Variants in CERS3 observed in about 807,000 individuals in gnomAD.
CERS3 encodes the protein ceramide synthase 3, also known as LAG1 homolog, ceramide synthase 3.
CERS3 carries 33 observed loss-of-function variants against 50.3 expected under a neutral mutation model. The ratio of observed to expected loss-of-function variants is 0.66; its 90% CI spans 0.50 to 0.88. The LOEUF is 0.88. Ranked by LOEUF, CERS3 falls within the 40% of genes least tolerant of loss-of-function variation. The pLI is 0.00. For synonymous variants in CERS3, 176 were observed against 155.2 expected, an observed-to-expected ratio of 1.13 and a Z score of -0.99; for missense variants, 470 against 460.3, an observed-to-expected ratio of 1.02 and a Z score of -0.19.
chr15:100,532,523 T>C (rs1185495250), upstream of CERS3, among the ~76,000 whole-genome samples: 1 of 152,102 alleles, frequency 6.6e-6, no homozygotes, highest in Non-Finnish European at 1.5e-5. Flanking sequence ...CCCAGCACTT[T>C]GGGAGGCCAA....
intron 11 of CERS3, among the ~76,000 whole-genome samples, chr15:100,449,256 G>A (rs2142177226): frequency 6.6e-6 from 1 of 152,320 alleles, no homozygotes; most frequent in Non-Finnish European, 1.5e-5. Flanking sequence ...CAACCTGCAG[G>A]CCTGGGGACT....
intron 4 of CERS3, among the ~76,000 whole-genome samples, chr15:100,486,074 G>A (rs557995563): frequency 9.2e-5 from 14 of 152,278 alleles, no homozygotes; most frequent in Admixed American, 8.5e-4. Context: ...CAGAGAAAAC[G>A]TGCAGACCCA....
At chr15:100,405,865 A>C (rs2030986341) in intron 11 of CERS3, among the ~76,000 whole-genome samples, 1 of 152,270 alleles carries the variant, frequency 6.6e-6, no homozygotes, top group African/African-American at 2.4e-5. Context: ...CTTTTTAAAA[A>C]GCAAATACTG....
At chr15:100,414,700 T>C (rs1034836602) in intron 11 of CERS3, among the ~76,000 whole-genome samples, 2 of 151,972 alleles carry the variant, frequency 1.3e-5, no homozygotes, top group African/African-American at 2.4e-5. Context: ...ATTTAATAAA[T>C]GGTGCTGGGA....
intron 11 of CERS3, among the ~76,000 whole-genome samples, chr15:100,434,406 C>T (rs2033294226): frequency 2.0e-5 from 3 of 152,224 alleles, no homozygotes; most frequent in Admixed American, 6.5e-5. Context: ...CAAATCAGAG[C>T]ACAGATCAAG....
At chr15:100,459,115 T>C (rs2034468632) in intron 10 of CERS3, among the ~76,000 whole-genome samples, 1 of 152,208 alleles carries the variant, frequency 6.6e-6, no homozygotes, top group Admixed American at 6.5e-5. Context: ...AACCAGGCAA[T>C]AGGCTGAATT....
In CERS3 at chr15:100,501,826, C is replaced by A. The variant is rs1410884588; in HGVS notation, c.24G>T (p.Trp8Cys). MFWTFKEWFWLERFWLPP... is the reference protein window; with the variant it reads MFWTFKECFWLERFWLPP... ...GAAGCCAGAATCTTTCCAACCAGAA[C>A]CATTCTTTAAACGTCCAAAACATTC... The change falls in exon 3 of 12, where the codon TGG becomes TGT. Residue 8 changes from tryptophan (W) to cysteine (C), a missense_variant. Trp to Cys is a radical substitution (Grantham distance 215). Transcript: ENST00000679737. 1.2e-6 allele frequency: 2 copies of A among 1,613,964 alleles called. No individual in the cohort carries two copies. The highest frequency in any genetic ancestry group is 1.7e-6 in the Non-Finnish European group (2 of 1,179,990).
At chr15:100,435,733 G>C (rs535259283) in intron 11 of CERS3, among the ~76,000 whole-genome samples, 2 of 152,202 alleles carry the variant, frequency 1.3e-5, no homozygotes, top group Non-Finnish European at 2.9e-5. Context: ...ATCTGACAAA[G>C]GTCTAATATC....
intron 11 of CERS3, among the ~76,000 whole-genome samples, chr15:100,412,876 G>A (rs2031596177): frequency 6.6e-6 from 1 of 152,154 alleles, no homozygotes; most frequent in South Asian, 2.1e-4. Context: ...ATGTTAGACA[G>A]ACTCCGGAGA....
chr15:100,430,273 C>T (rs977279988), intron 11 of CERS3, among the ~76,000 whole-genome samples: 2 of 151,496 alleles, frequency 1.3e-5, no homozygotes, highest in Middle Eastern at 3.4e-3. Context: ...GATCACGCCA[C>T]TGCACTCCAG....
At chr15:100,472,446 G>A (rs1239080244) in intron 9 of CERS3, among the ~76,000 whole-genome samples, 1 of 151,916 alleles carries the variant, frequency 6.6e-6, no homozygotes, top group East Asian at 1.9e-4. Context: ...TAGAAAATGA[G>A]GGCCTTAAAA....
At chr15:100,416,599 G>A (rs2031928130) in intron 11 of CERS3, among the ~76,000 whole-genome samples, 1 of 152,322 alleles carries the variant, frequency 6.6e-6, no homozygotes, top group African/African-American at 2.4e-5. Context: ...GGAGAAGCAA[G>A]GACCTTCTTC....
At chr15:100,469,764 C>T (rs554587726) in intron 9 of CERS3, among the ~76,000 whole-genome samples, 4 of 152,128 alleles carry the variant, frequency 2.6e-5, no homozygotes, top group Non-Finnish European at 5.9e-5. Flanking sequence ...TAATACCACT[C>T]GTGTCTTTTG....
chr15:100,459,833 T>G (rs1305574210), intron 10 of CERS3, among the ~76,000 whole-genome samples: 1 of 152,166 alleles, frequency 6.6e-6, no homozygotes, highest in East Asian at 1.9e-4. Flanking sequence ...ATTCATATTT[T>G]TATTTAATGT....
intron 11 of CERS3, among the ~76,000 whole-genome samples, chr15:100,450,721 G>C (rs556870487): frequency 6.6e-6 from 1 of 152,170 alleles, no homozygotes; most frequent in Non-Finnish European, 1.5e-5. Context: ...TTCACAAATA[G>C]ACATGATTCT....
intron 8 of CERS3, among the ~76,000 whole-genome samples, chr15:100,474,271 A>C (rs80107996): frequency 0.06 from 9,133 of 152,288 alleles, 747 homozygotes; most frequent in African/African-American, 0.17. Context: ...TAAATGGTTT[A>C]ATTGTGTTAT....
At chr15:100,418,638 C>T (rs1310598457) in intron 11 of CERS3, among the ~76,000 whole-genome samples, 1 of 136,510 alleles carries the variant, frequency 7.3e-6, no homozygotes, top group African/African-American at 2.7e-5. Context: ...GTCAGATTCA[C>T]CAAAGTTGAA....
At chr15:100,483,787 A>ATTTTTTTTTTTTTTT (rs10622678) in intron 5 of CERS3, among the ~76,000 whole-genome samples, 30 of 100,036 alleles carry the variant, frequency 3.0e-4, no homozygotes, top group South Asian at 7.3e-4. Context: ...TATTATTATT[A>ATTTTTTTTTTTTTTT]TTTTTTTTTT....
intron 2 of CERS3, among the ~76,000 whole-genome samples, chr15:100,516,381 T>C (rs960020541): frequency 6.6e-6 from 1 of 152,202 alleles, no homozygotes; most frequent in Admixed American, 6.5e-5. Flanking sequence ...AGCTGAGTGA[T>C]CTCAGGCAAC....
Sources: gnomAD v4.1 joint callset for allele counts (sites outside exome capture counted in the v4.1 genomes callset) on GRCh38, gnomAD v4.1.1 for gene constraint, MANE v1.5 for transcripts, NCBI Gene and HGNC (gene_info 2026-07-23, HGNC 2026-07-21) for gene names.